NLRP10: variants seen among roughly 807,000 people sequenced by gnomAD.
NLRP10 encodes NLR family pyrin domain containing 10, also known as NACHT, LRR and PYD domains-containing protein 10.
Under a neutral mutation model 8.2 loss-of-function variants are expected in NLRP10, and 7 were observed. The ratio of observed to expected loss-of-function variants is 0.85; its 90% CI spans 0.48 to 1.60. The LOEUF is 1.60. NLRP10 is among the 40% of genes most tolerant of loss of function. The pLI, the probability that NLRP10 is intolerant of heterozygous loss-of-function variation, is 0.00. For missense variants in NLRP10, 814 were observed against 776.3 expected (o/e 1.05, Z -0.58); for synonymous variants, 338 against 314.0 (o/e 1.08, Z -0.81).
At position 7,959,446 on chromosome 11, in the gene NLRP10, CAA is replaced by C; in HGVS notation, c.*196_*197del. 1 of 487,178 alleles carries C rather than the reference CAA, an allele frequency of 2.1e-6. No individual in the cohort carries two copies. Among genetic ancestry groups the C allele is most frequent in the Non-Finnish European group, 3.6e-6 (1 of 280,728 alleles). 30.2% of individuals were successfully genotyped at this position (487,178 alleles called of 1,614,324 possible). A position where few individuals can be genotyped will look rare whatever the true frequency, so the allele number is the denominator to read the frequency against. On this transcript the variant is annotated 3_prime_UTR_variant, in exon 3 of 3. Transcript: ENST00000691676. ...ATTAGAATCATCTTATCAATGTCCA[CAA>C]AGTTATTTGCTGGGATCTTGATTGG...
At chr11:7,962,228 G>GTTTTTT (rs1196465022) in intron 2 of NLRP10, among the ~76,000 whole-genome samples, 2 of 36,856 alleles carry the variant, frequency 5.4e-5, no homozygotes, top group African/African-American at 8.4e-5. Flanking sequence ...AGATAAGCCT[G>GTTTTTT]TTCTTTTTTT....
At chr11:7,961,556 G>A (rs1467394880) in intron 2 of NLRP10, among the ~76,000 whole-genome samples, 4 of 152,206 alleles carry the variant, frequency 2.6e-5, no homozygotes, top group Non-Finnish European at 4.4e-5. Flanking sequence ...TGCTCTGTGT[G>A]TGTGGATAGT....
At position 7,957,976 on chromosome 11, in the gene NLRP10, G is replaced by A. The variant is rs558881978; in HGVS notation, c.*1668C>T. Among the ~76,000 whole-genome samples the A allele has an allele frequency of 5.9e-5, 9 of 152,288 alleles. No individual in the cohort carries two copies. The highest frequency in any genetic ancestry group is 1.7e-4 in the African/African-American group (7 of 41,566). The stretch of plus-strand genomic sequence containing the variant: ...TATATTTGGAATTACACAGTATGTA[G>A]CCTTTTCAGACTGACTTCTTTCACT... On this transcript the variant is annotated 3_prime_UTR_variant, in exon 3 of 3. Transcript: ENST00000691676.
Position 7,959,480 on chromosome 11 carries a change from A to G in NLRP10, c.*164T>C, listed in dbSNP as rs2133639108. On this transcript the variant is annotated 3_prime_UTR_variant, in exon 3 of 3. Coordinates refer to ENST00000691676, the MANE Select transcript of NLRP10 (RefSeq NM_001391958.1). The stretch of plus-strand genomic sequence containing the variant: ...TTGCTGGGATCTTGATTGGGATTGC[A>G]TTGAATCTACAGATCAAACTGGGGA... 1 of 517,994 alleles carries G rather than the reference A, an allele frequency of 1.9e-6. No individual in the cohort carries two copies. Among genetic ancestry groups the G allele is most frequent in the South Asian group, 3.4e-5 (1 of 29,002 alleles). The allele number at this position is 517,994 out of a possible 1,614,324, so 32.1% of individuals were successfully genotyped here. A position where few individuals can be genotyped will look rare whatever the true frequency, so the allele number is the denominator to read the frequency against.
rs185005578 is a variant in NLRP10 at position 7,958,675 on chromosome 11, G to A, written c.*969C>T. On this transcript the variant is annotated 3_prime_UTR_variant, in exon 3 of 3. Transcript: ENST00000691676. Reference sequence around the variant, plus strand: ...AGCAATTCTCCTGCCTCAGCCTCCTGAGTAGCTGGGACTACAGGTGTGCAC... The same window carrying A: ...AGCAATTCTCCTGCCTCAGCCTCCTAAGTAGCTGGGACTACAGGTGTGCAC... 1.3e-4 allele frequency among the ~76,000 whole-genome samples: 20 copies of A among 151,994 alleles called. No homozygotes were observed. Among genetic ancestry groups the A allele is most frequent in the African/African-American group, 4.3e-4 (18 of 41,426 alleles).
At chr11:7,962,253 T>TTTTTTTTTTA (rs1941745038) in intron 2 of NLRP10, among the ~76,000 whole-genome samples, 1 of 135,616 alleles carries the variant, frequency 7.4e-6, no homozygotes, top group African/African-American at 3.0e-5. Context: ...TTTTTTTTTT[T>TTTTTTTTTTA]GAGATGGAGT....
chr11:7,959,823 G>A lies in NLRP10; in HGVS notation c.1789C>T (p.Gln597Ter), dbSNP rs1199087324. The change falls in exon 3 of 3, where the codon CAG becomes TAG. Residue 597 changes from glutamine to a stop codon, truncating the protein, a stop_gained. Coordinates refer to ENST00000691676, the MANE Select transcript of NLRP10 (RefSeq NM_001391958.1). LOFTEE classifies it low-confidence loss of function (END_TRUNC). ...TTGACAGAAAATAAATTCTGGCTCT[G>A]TGATTTCTTTTCATTTGAATGTTTT... ...KIKHSNEKKS[Q>*]SQNLFSVKSS... The A allele has an allele frequency of 6.2e-7, 1 of 1,613,896 alleles. No homozygotes were observed. Among genetic ancestry groups the A allele is most frequent in the East Asian group, 2.2e-5 (1 of 44,868 alleles).
At position 7,959,431 on chromosome 11, in the gene NLRP10, T is replaced by A. The variant is rs1941674883; in HGVS notation, c.*213A>T. The A allele has an allele frequency of 2.1e-6, 1 of 481,360 alleles. No homozygotes were observed. Among genetic ancestry groups the A allele is most frequent in the Non-Finnish European group, 3.6e-6 (1 of 277,276 alleles). The allele number at this position is 481,360 out of a possible 1,614,324, so 29.8% of individuals were successfully genotyped here. ...CCTTTGCACATAAACATTAGAATCATCTTATCAATGTCCACAAAGTTATTT... is the reference window on the plus strand; with the variant it reads ...CCTTTGCACATAAACATTAGAATCAACTTATCAATGTCCACAAAGTTATTT... On this transcript the variant is annotated 3_prime_UTR_variant, in exon 3 of 3. Transcript: ENST00000691676.
rs191986787 is a variant in NLRP10, at chr11:7,960,502, T to C, written c.1110A>G (p.Arg370=). ...TAGGTGTCTCTAAGACAACTTTGCCTCTCTCCATCTGCCCCTGCAGCCAGG... is the reference window on the plus strand; with the variant it reads ...TAGGTGTCTCTAAGACAACTTTGCCCCTCTCCATCTGCCCCTGCAGCCAGG... ...VCSWLQGQME[R]GKVVLETPRN... The change falls in exon 3 of 3, where the codon AGA becomes AGG. Residue 370 remains arginine, a synonymous_variant. Transcript: ENST00000691676. 7.1e-5 allele frequency: 114 copies of C among 1,614,106 alleles called. No homozygotes were observed. The African/African-American group carries it at 1.3e-3, about 18-fold the overall frequency.
In NLRP10 at chr11:7,961,228, G is replaced by A. The variant is rs1463611197; in HGVS notation, c.384C>T (p.Ala128=). ...NGRYNQVLLV[A]KPSSESPESL... ...ATTCTGGGCTCTCTGAGCTGGGCTT[G>A]GCCACCAGGAGCACCTGGTTGTATC... The change falls in exon 3 of 3, where the codon GCC becomes GCT. Residue 128 remains alanine, a synonymous_variant. Coordinates refer to ENST00000691676, the MANE Select transcript of NLRP10 (RefSeq NM_001391958.1). 1.2e-6 allele frequency: 2 copies of A among 1,613,376 alleles called. No homozygotes were observed. The highest frequency in any genetic ancestry group is 2.7e-5 in the African/African-American group (2 of 74,836).
rs1188873576 is a variant in NLRP10, at chr11:7,958,402, G to A, written c.*1242C>T. Among the ~76,000 whole-genome samples the A allele has an allele frequency of 6.6e-6, 1 of 152,172 alleles. No individual in the cohort carries two copies. Among genetic ancestry groups the A allele is most frequent in the African/African-American group, 2.4e-5 (1 of 41,438 alleles). On this transcript the variant is annotated 3_prime_UTR_variant, in exon 3 of 3. Coordinates refer to ENST00000691676, the MANE Select transcript of NLRP10 (RefSeq NM_001391958.1). ...AGCATTTAGTGTTGCCAGGATTTGG[G>A]ATGTTAGCCATTCTAACAGGGGTGT...
Position 7,960,812 on chromosome 11 carries a change from A to C in NLRP10, c.800T>G (p.Leu267Trp). ...PFEEKLKKRG[L>W]SPKESLLHLL... is the part of the protein sequence containing the mutation. Reference sequence around the variant, plus strand: ...GTGCAGCAGGCTCTCCTTGGGACTCAAACCCCTCTTCTTCAACTTTTCTTC... The same window carrying C: ...GTGCAGCAGGCTCTCCTTGGGACTCCAACCCCTCTTCTTCAACTTTTCTTC... The change falls in exon 3 of 3, where the codon TTG (leucine) becomes TGG (tryptophan). Residue 267 changes from leucine (L) to tryptophan (W), a missense_variant. By Grantham distance (61) the Leu-to-Trp change is moderately conservative. Coordinates refer to ENST00000691676, the MANE Select transcript of NLRP10 (RefSeq NM_001391958.1). 2 of 1,614,098 alleles carry C rather than the reference A, an allele frequency of 1.2e-6. No homozygotes were observed. Among genetic ancestry groups the C allele is most frequent in the Non-Finnish European group, 1.7e-6 (2 of 1,180,026 alleles).
Position 7,961,085 on chromosome 11 carries a change from C to T in NLRP10, c.527G>A (p.Gly176Asp). 6.2e-7 allele frequency: 1 copy of T among 1,614,150 alleles called. No individual in the cohort carries two copies. Among genetic ancestry groups the T allele is most frequent in the South Asian group, 1.1e-5 (1 of 91,082 alleles). The change falls in exon 3 of 3, where the codon GGC becomes GAC. Residue 176 changes from glycine (G) to aspartate (D), a missense_variant. Gly to Asp is a moderately conservative substitution (Grantham distance 94, BLOSUM62 -1). Coordinates refer to ENST00000691676, the MANE Select transcript of NLRP10 (RefSeq NM_001391958.1). ...PSLVVLQGSA[G>D]TGKTTLARKM... ...TCTGGCGAGAGTTGTCTTTCCAGTG[C>T]CAGCCGACCCCTGTAGCACAACTAA...
In NLRP10 at chr11:7,960,363, C is replaced by T. The variant is rs763355031; in HGVS notation, c.1249G>A (p.Ala417Thr). ...CTCTGGTGCTGAATCCCTTCAGCTGCTAGGGAGCACAGACTCCTCAGGACC... is the reference window on the plus strand; with the variant it reads ...CTCTGGTGCTGAATCCCTTCAGCTGTTAGGGAGCACAGACTCCTCAGGACC... ...HRVLRSLCSL[A>T]AEGIQHQRFL... is the part of the protein sequence containing the mutation. The change falls in exon 3 of 3, where the codon GCA becomes ACA. Residue 417 changes from alanine to threonine, a missense_variant. By Grantham distance (58) the Ala-to-Thr change is moderately conservative. Coordinates refer to ENST00000691676, the MANE Select transcript of NLRP10 (RefSeq NM_001391958.1). 1 of 1,614,016 alleles carries T rather than the reference C, an allele frequency of 6.2e-7. No individual in the cohort carries two copies. Among genetic ancestry groups the T allele is most frequent in the Non-Finnish European group, 8.5e-7 (1 of 1,180,014 alleles).
At chr11:7,961,388 A>G in intron 2 of NLRP10, 66 bp from the exon 3 acceptor site, 1 of 998,768 alleles carries the variant, frequency 1.0e-6, no homozygotes, top group South Asian at 1.5e-5. Context: ...TGGCCCCTCC[A>G]AACTGACTCT....
At position 7,958,245 on chromosome 11, in the gene NLRP10, T is replaced by C. The variant is rs1017525417; in HGVS notation, c.*1399A>G. ...CTTGGGTTAATATCTAGGAGCATAA[T>C]TGCTAGATCTTACATATAGTAAAAC... On this transcript the variant is annotated 3_prime_UTR_variant, in exon 3 of 3. Transcript: ENST00000691676. 3.3e-5 allele frequency among the ~76,000 whole-genome samples: 5 copies of C among 152,200 alleles called. No homozygotes were observed. The highest frequency in any genetic ancestry group is 7.2e-5 in the African/African-American group (3 of 41,442).
intron 1 of NLRP10, among the ~76,000 whole-genome samples, chr11:7,964,069 C>T (rs894130400): frequency 1.3e-5 from 2 of 151,988 alleles, no homozygotes; most frequent in African/African-American, 4.8e-5. Context: ...TTGCAGGTGC[C>T]CACCACCATG....
In NLRP10 at chr11:7,961,265, C is replaced by T. The variant is rs1269417359; in HGVS notation, c.347G>A (p.Gly116Glu). Reference sequence around the variant, plus strand: ...CACCTGGTTGTATCTGCCATTGACTCCTGCTTCCTGCCATTCCTCTAGGCA... The same window carrying T: ...CACCTGGTTGTATCTGCCATTGACTTCTGCTTCCTGCCATTCCTCTAGGCA... ...VRCLEEWQEA[G>E]VNGRYNQVLL... Residue 116 changes from glycine to glutamate, a missense_variant, in exon 3 of 3, where the codon GGA (glycine) becomes GAA (glutamate). Gly to Glu is a moderately conservative substitution (Grantham distance 98, BLOSUM62 -2). Transcript: ENST00000691676. The T allele has an allele frequency of 6.2e-7, 1 of 1,608,824 alleles. No individual in the cohort carries two copies. The highest frequency in any genetic ancestry group is 8.5e-7 in the Non-Finnish European group (1 of 1,176,780).
chr11:7,960,973 C>A lies in NLRP10; in HGVS notation c.639G>T (p.Leu213=). 6.2e-7 allele frequency: 1 copy of A among 1,614,208 alleles called. No homozygotes were observed. Among genetic ancestry groups the A allele is most frequent in the Non-Finnish European group, 8.5e-7 (1 of 1,180,040 alleles). Residue 213 remains leucine, a synonymous_variant, in exon 3 of 3, where the codon CTG becomes CTT. Transcript: ENST00000691676. ...GCTGCTCCAGTTTGCTCTCCAGCAG[C>A]AGGACCACTTCTTTGCAGCTTACAT... ...VFYVSCKEVV[L]LLESKLEQLL... is the part of the protein sequence containing the mutation.
Sources: allele counts gnomAD v4.1 joint callset (sites outside exome capture counted in the v4.1 genomes callset), GRCh38; gene constraint gnomAD v4.1.1; transcripts MANE v1.5; gene names NCBI Gene and HGNC (gene_info 2026-07-23, HGNC 2026-07-21).